The following GALNT7 variants were observed in gnomAD, a reference collection of about 807,000 sequenced individuals.
GALNT7 encodes polypeptide N-acetylgalactosaminyltransferase 7, also known as N-acetylgalactosaminyltransferase 7.
A neutral mutation model predicts 82.1 loss-of-function variants in GALNT7; 60 were observed. The ratio of observed to expected loss-of-function variants is 0.73; its 90% CI spans 0.59 to 0.91. The LOEUF is 0.91. Among genes scored for constraint, GALNT7 ranks in the 40% least tolerant of loss-of-function variants. The pLI is 0.00. For synonymous variants in GALNT7, 243 were observed against 275.1 expected, an observed-to-expected ratio of 0.88 and a Z score of 1.15; for missense variants, 660 against 804.2, an observed-to-expected ratio of 0.82 and a Z score of 2.17.
At position 173,279,757 on chromosome 4, in the gene GALNT7, G is replaced by T. The variant is rs151307531; in HGVS notation, c.588-12351G>T. 8.0e-3 allele frequency among the ~76,000 whole-genome samples: 1,220 copies of T among 152,226 alleles called. 12 individuals carry two copies. Among genetic ancestry groups the T allele is most frequent in the Non-Finnish European group, 9.2e-3 (627 of 68,008 alleles). On this transcript the variant is annotated intron_variant, in intron 2 of 11. Coordinates refer to ENST00000265000, the MANE Select transcript of GALNT7 (RefSeq NM_017423.3). ...GGAGGCTGAGGCAGATGGATCACCTGAGGTCAGGAGTTCGAGACCAGCCTG... is the reference window on the plus strand; with the variant it reads ...GGAGGCTGAGGCAGATGGATCACCTTAGGTCAGGAGTTCGAGACCAGCCTG...
Position 173,321,983 on chromosome 4 carries a change from TG to T in GALNT7, c.*267del, listed in dbSNP as rs1460891431. 1.0e-5 allele frequency: 3 copies of T among 290,394 alleles called. No homozygotes were observed. The highest frequency in any genetic ancestry group is 2.1e-5 in the African/African-American group (1 of 46,652). 18.0% of individuals were successfully genotyped at this position (290,394 alleles called of 1,614,324 possible). ...GTTTTAAGATGATGTTGGTAATTTG[TG>T]CCTTTAGCTCTGTTTTATTAGACAG... On this transcript the variant is annotated 3_prime_UTR_variant, in exon 12 of 12. Coordinates refer to ENST00000265000, the MANE Select transcript of GALNT7 (RefSeq NM_017423.3).
chr4:173,316,682 C>T (rs892278926), intron 9 of GALNT7: 4 of 152,230 alleles, frequency 2.6e-5, no homozygotes, highest in African/African-American at 9.6e-5. Context: ...TTTCTGTCCT[C>T]CTTTTACTGT....
intron 2 of GALNT7, among the ~76,000 whole-genome samples, chr4:173,256,633 C>A (rs1442027743): frequency 2.0e-5 from 3 of 150,416 alleles, no homozygotes; most frequent in Non-Finnish European, 4.4e-5. Context: ...CTTTCTTTCG[C>A]ATACCCTTGC....
chr4:173,313,304 C>T (rs1228078953), intron 8 of GALNT7, among the ~76,000 whole-genome samples: 1 of 151,906 alleles, frequency 6.6e-6, no homozygotes, highest in Non-Finnish European at 1.5e-5. Context: ...CACAGTGGCT[C>T]ACACATGTAA....
At chr4:173,238,032 G>A (rs1168312428) in intron 1 of GALNT7, among the ~76,000 whole-genome samples, 1 of 152,032 alleles carries the variant, frequency 6.6e-6, no homozygotes, top group Non-Finnish European at 1.5e-5. Flanking sequence ...CTTTTGAAGG[G>A]TCTGTTTAGC....
chr4:173,202,346 G>A (rs1280758069), intron 1 of GALNT7, among the ~76,000 whole-genome samples: 2 of 152,168 alleles, frequency 1.3e-5, no homozygotes, highest in Non-Finnish European at 2.9e-5. Flanking sequence ...ATAGAAGGCA[G>A]AGAAACCATG....
intron 2 of GALNT7, among the ~76,000 whole-genome samples, chr4:173,270,462 T>C (rs73001514): frequency 0.058 from 8,802 of 152,252 alleles, 796 homozygotes; most frequent in African/African-American, 0.19. Flanking sequence ...GAGGAAGCTG[T>C]GGAAACAGCC....
intron 1 of GALNT7, among the ~76,000 whole-genome samples, chr4:173,185,753 A>G (rs1363379121): frequency 4.6e-5 from 7 of 152,166 alleles, no homozygotes; most frequent in Non-Finnish European, 1.0e-4. Context: ...CCTTGTATAC[A>G]TCTTAGAGTC....
intron 2 of GALNT7, among the ~76,000 whole-genome samples, chr4:173,249,393 A>C (rs1175948755): frequency 6.6e-6 from 1 of 152,178 alleles, no homozygotes; most frequent in African/African-American, 2.4e-5. Flanking sequence ...GTCCAATATA[A>C]TGCCATTTAA....
At chr4:173,170,166 T>G (rs1382165958) in intron 1 of GALNT7, among the ~76,000 whole-genome samples, 1 of 152,010 alleles carries the variant, frequency 6.6e-6, no homozygotes, top group Non-Finnish European at 1.5e-5. Flanking sequence ...ACCTGCTTCC[T>G]CCTCCCCGCT....
chr4:173,260,229 C>T lies in GALNT7; in HGVS notation c.587+11789C>T, dbSNP rs192918910. Among the ~76,000 whole-genome samples, 403 of 152,236 alleles carry T rather than the reference C, an allele frequency of 2.6e-3. 1 individual carries two copies. The highest frequency in any genetic ancestry group is 0.024 in the Middle Eastern group (7 of 294). On this transcript the variant is annotated intron_variant, in intron 2 of 11. Transcript: ENST00000265000. The stretch of plus-strand genomic sequence containing the variant: ...ACAATGAAGCTAATTTTACCATAGG[C>T]AAATTGATATTGTTGACTGAAGGAA...
chr4:173,211,076 C>T (rs1733269986), intron 1 of GALNT7, among the ~76,000 whole-genome samples: 1 of 151,888 alleles, frequency 6.6e-6, no homozygotes, highest in South Asian at 2.1e-4. Flanking sequence ...TTTTATACTT[C>T]CAGTACATCT....
At chr4:173,264,818 C>A (rs757157612) in intron 2 of GALNT7, among the ~76,000 whole-genome samples, 2 of 152,226 alleles carry the variant, frequency 1.3e-5, no homozygotes, top group African/African-American at 4.8e-5. Flanking sequence ...TGTTATCACT[C>A]GAGCCTGAAC....
chr4:173,235,845 C>T (rs543066638), intron 1 of GALNT7, among the ~76,000 whole-genome samples: 134 of 152,260 alleles, frequency 8.8e-4, no homozygotes, highest in African/African-American at 2.9e-3. Context: ...TGAGCCACCA[C>T]GCCCGGCCAC....
At chr4:173,260,463 T>C (rs184575207) in intron 2 of GALNT7, among the ~76,000 whole-genome samples, 51 of 152,352 alleles carry the variant, frequency 3.3e-4, no homozygotes, top group Non-Finnish European at 6.0e-4. Flanking sequence ...TGATAGGTTA[T>C]AGAAGTATAA....
At chr4:173,298,493 A>G in intron 6 of GALNT7, 196 bp downstream of exon 6, 1 of 507,142 alleles carries the variant, frequency 2.0e-6, no homozygotes, top group Non-Finnish European at 3.5e-6. Context: ...CCTAAATGTG[A>G]TGTCCACTAC....
chr4:173,226,690 A>ATC (rs1733839483), intron 1 of GALNT7, among the ~76,000 whole-genome samples: 1 of 152,176 alleles, frequency 6.6e-6, no homozygotes, highest in African/African-American at 2.4e-5. Flanking sequence ...TGTGTGTGCT[A>ATC]TCACTCCCTG....
intron 2 of GALNT7, among the ~76,000 whole-genome samples, chr4:173,276,995 G>A (rs1370878684): frequency 6.6e-6 from 1 of 152,140 alleles, no homozygotes; most frequent in Non-Finnish European, 1.5e-5. Context: ...CATAGAGGAA[G>A]ATCTCCAATA....
intron 1 of GALNT7, among the ~76,000 whole-genome samples, chr4:173,192,083 T>C (rs576391497): frequency 1.3e-5 from 2 of 152,284 alleles, no homozygotes; most frequent in East Asian, 3.9e-4. Context: ...AAGTAGGACT[T>C]TGTCAGGCTG....
Sources: gnomAD v4.1 joint callset for allele counts (sites outside exome capture counted in the v4.1 genomes callset) on GRCh38, gnomAD v4.1.1 for gene constraint, MANE v1.5 for transcripts, NCBI Gene and HGNC (gene_info 2026-07-23, HGNC 2026-07-21) for gene names.